ATF7IP2: variants seen among roughly 807,000 people sequenced by gnomAD.
The protein encoded by ATF7IP2 is activating transcription factor 7-interacting protein 2.
Under a neutral mutation model 64.2 loss-of-function variants are expected in ATF7IP2, and 42 were observed. That is an observed-to-expected ratio of 0.65 (90% CI 0.51 to 0.85). The LOEUF (loss-of-function observed/expected upper bound fraction) is 0.85, where lower values mean the gene tolerates loss of function less well. Among genes scored for constraint, ATF7IP2 ranks in the 40% least tolerant of loss-of-function variants. The pLI, the probability that ATF7IP2 is intolerant of heterozygous loss-of-function variation, is 0.00. For synonymous variants in ATF7IP2, 308 were observed against 272.8 expected, an observed-to-expected ratio of 1.13 and a Z score of -1.27; for missense variants, 933 against 784.2, an observed-to-expected ratio of 1.19 and a Z score of -2.27.
chr16:10,429,837 A>G (rs984343750), intron 4 of ATF7IP2, among the ~76,000 whole-genome samples: 1 of 114,936 alleles, frequency 8.7e-6, no homozygotes, highest in Non-Finnish European at 2.0e-5. Flanking sequence ...ATTTTGTTTT[A>G]TTTTATTTTA....
At chr16:10,389,156 A>G (rs2047270490) in intron 1 of ATF7IP2, among the ~76,000 whole-genome samples, 1 of 152,162 alleles carries the variant, frequency 6.6e-6, no homozygotes, top group Non-Finnish European at 1.5e-5. Flanking sequence ...GTTCTGGTCA[A>G]TTTGGAAAGT....
chr16:10,431,119 A>G lies in ATF7IP2; in HGVS notation c.499A>G (p.Ser167Gly), dbSNP rs746426429. The G allele has an allele frequency of 7.4e-6, 12 of 1,614,190 alleles. No individual in the cohort carries two copies. The highest frequency in any genetic ancestry group is 1.6e-4 in the Middle Eastern group (1 of 6,062). ...EHEGACSLKS[S>G]CCPPSVLSGV... Reference sequence around the variant, plus strand: ...TGAGGGGGCTTGTAGTCTAAAGTCCAGTTGCTGTCCACCCAGTGTATTGAG... The same window carrying G: ...TGAGGGGGCTTGTAGTCTAAAGTCCGGTTGCTGTCCACCCAGTGTATTGAG... Residue 167 changes from serine (S) to glycine (G), a missense_variant, in exon 5 of 14, where the codon AGT (serine) becomes GGT (glycine). Ser to Gly is a moderately conservative substitution (Grantham distance 56, BLOSUM62 0). Transcript: ENST00000562102.
In ATF7IP2 at chr16:10,434,216, C is replaced by G. The variant is rs190704066; in HGVS notation, c.960+567C>G. On this transcript the variant is annotated intron_variant, in intron 6 of 13. Transcript: ENST00000562102. ...TGCTTTCATTGTGGCCTCATTTTAT[C>G]TCATTGTACTACAGTCTCAGTATGC... Among the ~76,000 whole-genome samples the G allele has an allele frequency of 2.6e-5, 4 of 152,316 alleles. No individual in the cohort carries two copies. In the South Asian group the frequency reaches 6.2e-4, roughly 24 times the overall value.
intron 2 of ATF7IP2, among the ~76,000 whole-genome samples, chr16:10,415,222 A>C (rs1270948093): frequency 6.6e-6 from 1 of 152,202 alleles, no homozygotes; most frequent in Non-Finnish European, 1.5e-5. Context: ...ACCTTACTTG[A>C]AGTTATACTG....
rs573061499 is a variant in ATF7IP2, at chr16:10,426,067, TTCCTC to T, written c.-159-2799_-159-2795del. ...TGAGGGAAAAATGAAAATAGGTCCTTTCCTCTTTCTATGTGCTAAAATAAATTCTA... is the reference window on the plus strand; with the variant it reads ...TGAGGGAAAAATGAAAATAGGTCCTTTTTCTATGTGCTAAAATAAATTCTA... On this transcript the variant is annotated intron_variant, in intron 3 of 13. Coordinates refer to ENST00000562102, the MANE Select transcript of ATF7IP2 (RefSeq NM_001393719.1). Among the ~76,000 whole-genome samples, 52 of 152,314 alleles carry T rather than the reference TTCCTC, an allele frequency of 3.4e-4. No individual in the cohort carries two copies. In the South Asian group the frequency reaches 3.9e-3, roughly 12 times the overall value.
chr16:10,414,520 T>A (rs981400148), intron 1 of ATF7IP2, 54 bp from the exon 2 acceptor site: 2 of 152,074 alleles, frequency 1.3e-5, no homozygotes, highest in African/African-American at 4.8e-5. Flanking sequence ...GCTTCACCTT[T>A]CTCTGGTGCC....
intron 1 of ATF7IP2, among the ~76,000 whole-genome samples, chr16:10,406,093 A>C (rs918268441): frequency 7.9e-5 from 12 of 151,922 alleles, no homozygotes; most frequent in Non-Finnish European, 5.9e-5. Flanking sequence ...TGTCTCAAAA[A>C]AAAAAAAGAA....
intron 3 of ATF7IP2, among the ~76,000 whole-genome samples, chr16:10,420,036 C>T (rs531868272): frequency 4.4e-4 from 67 of 152,320 alleles, no homozygotes; most frequent in African/African-American, 1.6e-3. Context: ...CTCTGTTTCC[C>T]TCCTTTTGCT....
intron 9 of ATF7IP2, among the ~76,000 whole-genome samples, chr16:10,468,945 G>A (rs1404072206): frequency 1.3e-5 from 2 of 152,186 alleles, no homozygotes; most frequent in African/African-American, 4.8e-5. Context: ...CCCAGAGACT[G>A]CAAAGAATCT....
chr16:10,397,307 G>A (rs1039998877), intron 1 of ATF7IP2, among the ~76,000 whole-genome samples: 1 of 151,928 alleles, frequency 6.6e-6, no homozygotes, highest in African/African-American at 2.4e-5. Context: ...TTGGCTTTTT[G>A]GACTCTTCTG....
chr16:10,464,155 TA>T (rs1421590182), intron 9 of ATF7IP2, among the ~76,000 whole-genome samples: 3 of 152,222 alleles, frequency 2.0e-5, no homozygotes, highest in Non-Finnish European at 4.4e-5. Context: ...GATATTTAGA[TA>T]TTTTTTTCCC....
At position 10,480,915 on chromosome 16, in the gene ATF7IP2, C is replaced by G. The variant is rs759906682; in HGVS notation, c.1586C>G (p.Ala529Gly). The change falls in exon 13 of 14, where the codon GCT (alanine) becomes GGT (glycine). Residue 529 changes from alanine (A) to glycine (G), a missense_variant. Ala to Gly is a moderately conservative substitution (Grantham distance 60, BLOSUM62 0). Coordinates refer to ENST00000562102, the MANE Select transcript of ATF7IP2 (RefSeq NM_001393719.1). ...PVSPLESHSK[A>G]ASNSKETTPL... ...TCCCCCCTGGAGTCACATTCGAAAG[C>G]TGCTTCAAACTCAAAGGAAACAACC... The G allele has an allele frequency of 6.2e-7, 1 of 1,613,240 alleles. No homozygotes were observed. Among genetic ancestry groups the G allele is most frequent in the South Asian group, 1.1e-5 (1 of 91,046 alleles).
intron 8 of ATF7IP2, among the ~76,000 whole-genome samples, chr16:10,445,004 CTA>C (rs998635211): frequency 2.6e-5 from 4 of 152,158 alleles, no homozygotes; most frequent in African/African-American, 7.2e-5. Flanking sequence ...AGTTTGGACA[CTA>C]TGGAATGGTC....
intron 8 of ATF7IP2, among the ~76,000 whole-genome samples, chr16:10,456,574 T>C (rs1229068141): frequency 6.6e-6 from 1 of 152,230 alleles, no homozygotes; most frequent in African/African-American, 2.4e-5. Context: ...TTCATTCTTC[T>C]GGCTCCACTG....
chr16:10,411,636 T>C (rs1596458771), intron 1 of ATF7IP2, among the ~76,000 whole-genome samples: 2 of 152,264 alleles, frequency 1.3e-5, no homozygotes, highest in African/African-American at 4.8e-5. Context: ...CTCAAAGTGC[T>C]GGGATTACAG....
chr16:10,417,212 G>C (rs145390194), intron 2 of ATF7IP2, among the ~76,000 whole-genome samples: 2 of 152,204 alleles, frequency 1.3e-5, no homozygotes, highest in East Asian at 3.9e-4. Context: ...AATGTGACAG[G>C]ATCAAAACCT....
intron 1 of ATF7IP2, among the ~76,000 whole-genome samples, chr16:10,412,796 G>A (rs1411967761): frequency 6.6e-6 from 1 of 152,066 alleles, no homozygotes; most frequent in African/African-American, 2.4e-5. Context: ...CTATTATTGT[G>A]TTGCTGTCTA....
At chr16:10,424,902 C>G (rs1419511288) in intron 3 of ATF7IP2, among the ~76,000 whole-genome samples, 2 of 152,106 alleles carry the variant, frequency 1.3e-5, no homozygotes, top group South Asian at 2.1e-4. Context: ...GTAAGTTGTT[C>G]CGGCCATTTT....
rs1340268411 is a variant in ATF7IP2 at position 10,470,823 on chromosome 16, G to GTA, written c.1353-1273_1353-1272dup. On this transcript the variant is annotated intron_variant, in intron 9 of 13. Transcript: ENST00000562102. ...TATGTATATATATATATGTGTGTGT[G>GTA]TATATATATATATATGTGTGTGTAT... 4.4e-3 allele frequency among the ~76,000 whole-genome samples: 638 copies of GTA among 143,842 alleles called. 4 individuals carry two copies. Among genetic ancestry groups the GTA allele is most frequent in the African/African-American group, 0.013 (494 of 37,210 alleles). The allele number at this position is 143,842 out of a possible 152,430, so 94.4% of individuals were successfully genotyped here. A position where few individuals can be genotyped will look rare whatever the true frequency, so the allele number is the denominator to read the frequency against.
Sources: gnomAD v4.1 joint callset for allele counts (sites outside exome capture counted in the v4.1 genomes callset) on GRCh38, gnomAD v4.1.1 for gene constraint, MANE v1.5 for transcripts, NCBI Gene and HGNC (gene_info 2026-07-23, HGNC 2026-07-21) for gene names.